The following GARIN5B variants were observed in gnomAD, a reference collection of about 807,000 sequenced individuals.
GARIN5B encodes the protein golgi associated RAB2 interactor family member 5B.
the GARIN5B span, among the ~76,000 whole-genome samples, chr19:55,361,684 AGTTCCTCCT>A: frequency 4.0e-5 from 1 of 24,750 alleles, no homozygotes; most frequent in African/African-American, 9.0e-5. Flanking sequence ...TCCAGGCCTC[AGTTCCTCCT>A]CCCTCAGACC....
chr19:55,358,451 C>G, the GARIN5B span: 1 of 1,522,802 alleles, frequency 6.6e-7, no homozygotes, highest in Admixed American at 2.1e-5. Context: ...CCTCTTCAGA[C>G]TGGCAGAGGT....
At chr19:55,362,551 C>T in the GARIN5B span, 9 of 1,175,936 alleles carry the variant, frequency 7.7e-6, no homozygotes, top group Middle Eastern at 2.7e-4. Context: ...GTGGAGGGGG[C>T]GGCCGAGGGG....
At chr19:55,363,232 G>A in the GARIN5B span, 4 of 655,508 alleles carry the variant, frequency 6.1e-6, no homozygotes, top group African/African-American at 1.9e-5. The surrounding 1 kb of genome is among the most constrained non-coding windows in gnomAD (Gnocchi z 4.0). Context: ...CCTCCGCCAT[G>A]GCCCTGCCAG....
At chr19:55,358,511 GGCTCCTTC>G in the GARIN5B span, 1 of 1,543,186 alleles carries the variant, frequency 6.5e-7, no homozygotes, top group Admixed American at 2.0e-5. Context: ...GTCCCAGGGT[GGCTCCTTC>G]ATCTCGCCCC....
the GARIN5B span, among the ~76,000 whole-genome samples, chr19:55,355,690 G>C: frequency 2.0e-5 from 3 of 152,146 alleles, no homozygotes; most frequent in East Asian, 5.8e-4. Flanking sequence ...CCAAATGTAC[G>C]AATTAAGAAT....
At chr19:55,360,551 G>A in the GARIN5B span, 1 of 963,210 alleles carries the variant, frequency 1.0e-6, no homozygotes, top group Non-Finnish European at 1.5e-6. Flanking sequence ...TCAGACCCAG[G>A]AGTCCAGGCC....
the GARIN5B span, chr19:55,359,476 G>C: frequency 3.9e-6 from 6 of 1,546,944 alleles, no homozygotes; most frequent in Non-Finnish European, 4.4e-6. Flanking sequence ...GAGCAGGTAC[G>C]GCTGGGGCCT....
the GARIN5B span, among the ~76,000 whole-genome samples, chr19:55,361,690 T>C: frequency 3.1e-5 from 1 of 31,822 alleles, no homozygotes; most frequent in Admixed American, 3.6e-4. Flanking sequence ...CCTCAGTTCC[T>C]CCTCCCTCAG....
chr19:55,362,430 A>G, the GARIN5B span: 1 of 1,550,292 alleles, frequency 6.5e-7, no homozygotes, highest in South Asian at 1.2e-5. Context: ...TGGCGGCCCG[A>G]GACCAGGCGC....
chr19:55,355,407 C>CA, the GARIN5B span: 5 of 1,526,696 alleles, frequency 3.3e-6, no homozygotes, highest in South Asian at 3.6e-5. Flanking sequence ...GAGGGGTACC[C>CA]AGGGCTTTAA....
chr19:55,356,867 A>G, the GARIN5B span, among the ~76,000 whole-genome samples: 1 of 152,070 alleles, frequency 6.6e-6, no homozygotes, highest in African/African-American at 2.4e-5. Flanking sequence ...CCTGGCCAAC[A>G]TGGTGAAACT....
At chr19:55,359,056 A>T in the GARIN5B span, 3 of 1,551,326 alleles carry the variant, frequency 1.9e-6, 1 homozygote, top group South Asian at 3.6e-5. Flanking sequence ...ACTTGGCCTG[A>T]GTCGTCATCT....
chr19:55,362,572 CGGCACCTGGTCAGCACGA>C, the GARIN5B span: 1 of 1,534,692 alleles, frequency 6.5e-7, no homozygotes, highest in Non-Finnish European at 8.8e-7. Context: ...TTGGGGGATG[CGGCACCTGGTCAGCACGA>C]GGCCGGAGCA....
chr19:55,362,207 G>A, the GARIN5B span: 16 of 1,475,486 alleles, frequency 1.1e-5, no homozygotes, highest in Admixed American at 5.0e-5. Flanking sequence ...GGGTTCCTGG[G>A]GCCTGCCATG....
the GARIN5B span, chr19:55,354,968 G>GCC: frequency 4.4e-3 from 436 of 99,398 alleles, 1 homozygote; most frequent in African/African-American, 0.014. Context: ...GCTCGCCCCC[G>GCC]CCCCCCCCCG....
the GARIN5B span, chr19:55,355,429 G>T: frequency 7.1e-7 from 1 of 1,415,044 alleles, no homozygotes; most frequent in Non-Finnish European, 9.7e-7. Context: ...AGCTGCAGAT[G>T]CCTGGCTTAG....
At chr19:55,358,773 T>G in the GARIN5B span, 5 of 1,549,564 alleles carry the variant, frequency 3.2e-6, no homozygotes, top group South Asian at 6.0e-5. Context: ...ATGAGCTTGG[T>G]GAGGGTGAGC....
the GARIN5B span, chr19:55,359,888 A>G: frequency 1.3e-6 from 2 of 1,551,504 alleles, no homozygotes; most frequent in Non-Finnish European, 1.7e-6. Flanking sequence ...GCCCAGAAAG[A>G]AGCCATCAGG....
At chr19:55,361,138 G>T in the GARIN5B span, 26 of 1,551,136 alleles carry the variant, frequency 1.7e-5, no homozygotes, top group African/African-American at 2.2e-4. Context: ...TTAGACAGGG[G>T]CAGCCCCTTG....
Sources: allele counts gnomAD v4.1 joint callset (sites outside exome capture counted in the v4.1 genomes callset), GRCh38; gene constraint gnomAD v4.1.1; non-coding constraint Gnocchi (gnomAD v3.1); transcripts MANE v1.5; gene names NCBI Gene and HGNC (gene_info 2026-07-23, HGNC 2026-07-21).